Variants in RABL3 observed in about 807,000 individuals in gnomAD.
RABL3 encodes rab-like protein 3.
RABL3 carries 31 observed loss-of-function variants against 31.8 expected under a neutral mutation model. The ratio of observed to expected loss-of-function variants is 0.97; its 90% confidence interval spans 0.73 to 1.31. RABL3 has a LOEUF of 1.31. Among genes scored for constraint, RABL3 ranks in the 40% most tolerant of loss-of-function variants. RABL3 has a pLI of 0.00. For synonymous variants in RABL3, 97 were observed against 99.9 expected, an observed-to-expected ratio of 0.97 and a Z score of 0.18; for missense variants, 263 against 279.6, an observed-to-expected ratio of 0.94 and a Z score of 0.42.
chr3:120,708,443 T>A (rs2107582087), intron 3 of RABL3, among the ~76,000 whole-genome samples: 1 of 152,116 alleles, frequency 6.6e-6, no homozygotes. Flanking sequence ...TTATCTCTAT[T>A]ATTTATTCAT....
Position 120,689,661 on chromosome 3 carries a change from C to A in RABL3, c.*162G>T. The A allele has an allele frequency of 1.7e-6, 1 of 577,472 alleles. No homozygotes were observed. Among genetic ancestry groups the A allele is most frequent in the South Asian group, 2.4e-5 (1 of 42,462 alleles). The allele number at this position is 577,472 out of a possible 1,614,324, so 35.8% of individuals were successfully genotyped here. On this transcript the variant is annotated 3_prime_UTR_variant, in exon 8 of 8. Transcript: ENST00000273375. ...GAACAGGGACAAAGTTTGGACCTCCCGTATTGTCACTTCCTTTCATTTTTC... is the reference window on the plus strand; with the variant it reads ...GAACAGGGACAAAGTTTGGACCTCCAGTATTGTCACTTCCTTTCATTTTTC...
At chr3:120,732,531 A>T (rs1266850742) in intron 1 of RABL3, among the ~76,000 whole-genome samples, 2 of 152,190 alleles carry the variant, frequency 1.3e-5, no homozygotes, top group Non-Finnish European at 2.9e-5. Flanking sequence ...AATGCCCTGT[A>T]TAAAGAAATA....
chr3:120,729,339 G>T (rs1708856804), intron 2 of RABL3, among the ~76,000 whole-genome samples: 1 of 152,094 alleles, frequency 6.6e-6, no homozygotes, highest in Admixed American at 6.5e-5. Context: ...GCGCTGTATA[G>T]GGATACTTTC....
At chr3:120,705,867 T>C (rs919081455) in intron 4 of RABL3, 133 bp downstream of exon 4, 1 of 661,206 alleles carries the variant, frequency 1.5e-6, no homozygotes, top group Non-Finnish European at 2.7e-6. Flanking sequence ...TGAAAGATAC[T>C]GTTAAAAGGA....
chr3:120,706,155 T>A, intron 3 of RABL3, 41 bp from the exon 4 acceptor site: 2 of 1,279,088 alleles, frequency 1.6e-6, no homozygotes, highest in South Asian at 2.4e-5. Flanking sequence ...CCTTAACAAT[T>A]CCTCTTCATT....
intron 1 of RABL3, among the ~76,000 whole-genome samples, chr3:120,736,814 A>T (rs1708972823): frequency 6.6e-6 from 1 of 152,150 alleles, no homozygotes; most frequent in African/African-American, 2.4e-5. Context: ...CTGGATATGA[A>T]ATTCTGGGTT....
chr3:120,719,914 G>C (rs1708716713), intron 2 of RABL3, among the ~76,000 whole-genome samples: 1 of 152,220 alleles, frequency 6.6e-6, no homozygotes, highest in African/African-American at 2.4e-5. Flanking sequence ...CCCCCGAGTA[G>C]CCTAACTGAG....
chr3:120,691,958 G>A (rs1708384501), intron 6 of RABL3, among the ~76,000 whole-genome samples: 1 of 152,140 alleles, frequency 6.6e-6, no homozygotes, highest in Non-Finnish European at 1.5e-5. Context: ...GGAGACTATA[G>A]CTGGATTATT....
intron 1 of RABL3, among the ~76,000 whole-genome samples, chr3:120,735,799 T>C (rs559909699): frequency 6.6e-6 from 1 of 152,266 alleles, no homozygotes; most frequent in South Asian, 2.1e-4. Context: ...CATTTCATTA[T>C]GTACCCAGTA....
rs1019080275 is a variant in RABL3 at position 120,689,711 on chromosome 3, A to C, written c.*112T>G. ...CCATTAAAGGGTAAGGCTGAAGGGT[A>C]GCATTTTAAGATGATTTTGTTAAAA... On this transcript the variant is annotated 3_prime_UTR_variant, in exon 8 of 8. Coordinates refer to ENST00000273375, the MANE Select transcript of RABL3 (RefSeq NM_173825.5). 19 of 767,956 alleles carry C rather than the reference A, an allele frequency of 2.5e-5. No individual in the cohort carries two copies. Among genetic ancestry groups the C allele is most frequent in the Non-Finnish European group, 3.8e-5 (17 of 443,996 alleles). The allele number at this position is 767,956 out of a possible 1,614,324, so 47.6% of individuals were successfully genotyped here.
intron 4 of RABL3, among the ~76,000 whole-genome samples, chr3:120,701,515 T>C (rs1045459273): frequency 5.3e-5 from 8 of 152,208 alleles, no homozygotes; most frequent in Non-Finnish European, 7.3e-5. Context: ...TGCTGTCTCC[T>C]AACCCTAAAT....
intron 2 of RABL3, among the ~76,000 whole-genome samples, chr3:120,710,176 A>G (rs1183610886): frequency 6.6e-6 from 1 of 152,032 alleles, no homozygotes. Flanking sequence ...GATCCATCAT[A>G]CAGTCACTCC....
chr3:120,723,384 T>A (rs553805825), intron 2 of RABL3, among the ~76,000 whole-genome samples: 1 of 152,210 alleles, frequency 6.6e-6, no homozygotes, highest in Admixed American at 6.5e-5. Flanking sequence ...GAGGAGCTGG[T>A]ACCATTCCTT....
rs1475681613 is a variant in RABL3 at position 120,686,367 on chromosome 3, T to C, written c.*3456A>G. On this transcript the variant is annotated 3_prime_UTR_variant, in exon 8 of 8. Coordinates refer to ENST00000273375, the MANE Select transcript of RABL3 (RefSeq NM_173825.5). ...ACAAGGTCCTACCTATGGTGGGTGC[T>C]ACTGCAAACTATTGAAATGAGGACT... Among the ~76,000 whole-genome samples, 4 of 152,246 alleles carry C rather than the reference T, an allele frequency of 2.6e-5. No homozygotes were observed. Among genetic ancestry groups the C allele is most frequent in the Non-Finnish European group, 5.9e-5 (4 of 68,050 alleles).
At chr3:120,711,726 G>A (rs372849539) in intron 2 of RABL3, among the ~76,000 whole-genome samples, 14 of 152,122 alleles carry the variant, frequency 9.2e-5, no homozygotes, top group East Asian at 7.7e-4. Context: ...AGTACACATC[G>A]GCATTTTCCA....
chr3:120,708,646 CTTA>C lies in RABL3; in HGVS notation c.268+1131_268+1133del, dbSNP rs1227880473. Among the ~76,000 whole-genome samples the C allele has an allele frequency of 3.3e-5, 5 of 151,904 alleles. No individual in the cohort carries two copies. In the East Asian group the frequency reaches 7.7e-4, roughly 23 times the overall value. On this transcript the variant is annotated intron_variant, in intron 3 of 7. Coordinates refer to ENST00000273375, the MANE Select transcript of RABL3 (RefSeq NM_173825.5). Reference sequence around the variant, plus strand: ...GAGGTCACCTCACACTATACTTAGTCTTATTGTTGTTTTTCTTATTTATATGCA... The same window carrying C: ...GAGGTCACCTCACACTATACTTAGTCTTGTTGTTTTTCTTATTTATATGCA...
At chr3:120,719,581 C>G (rs1056966635) in intron 2 of RABL3, among the ~76,000 whole-genome samples, 2 of 152,230 alleles carry the variant, frequency 1.3e-5, no homozygotes, top group African/African-American at 4.8e-5. Context: ...GGGTCCTACG[C>G]CCACGAAGCC....
At chr3:120,741,684 A>G (rs1709045134) in intron 1 of RABL3, among the ~76,000 whole-genome samples, 1 of 152,144 alleles carries the variant, frequency 6.6e-6, no homozygotes, top group Admixed American at 6.5e-5. Context: ...GATTAAAAAA[A>G]TATATATATA....
intron 1 of RABL3, among the ~76,000 whole-genome samples, chr3:120,740,419 C>T (rs1386833619): frequency 6.6e-6 from 1 of 152,054 alleles, no homozygotes; most frequent in Non-Finnish European, 1.5e-5. Flanking sequence ...CACCACCATG[C>T]CCGGCTAACT....
Sources: allele counts gnomAD v4.1 joint callset (sites outside exome capture counted in the v4.1 genomes callset), GRCh38; gene constraint gnomAD v4.1.1; transcripts MANE v1.5; gene names NCBI Gene and HGNC (gene_info 2026-07-23, HGNC 2026-07-21).